The following DCBLD2 variants were observed in gnomAD, a reference collection of about 807,000 sequenced individuals.
The protein encoded by DCBLD2 is discoidin, CUB and LCCL domain containing 2.
DCBLD2 carries 54 observed loss-of-function variants against 86.8 expected under a neutral mutation model. The ratio of observed to expected loss-of-function variants is 0.62; its 90% CI spans 0.50 to 0.78. DCBLD2 has a LOEUF of 0.78. Among genes scored for constraint, DCBLD2 ranks in the 30% least tolerant of loss-of-function variants. The pLI is 0.00. For synonymous variants in DCBLD2, 354 were observed against 341.3 expected (o/e 1.04, Z -0.41); for missense variants, 908 against 954.2 (o/e 0.95, Z 0.64).
chr3:98,838,733 C>T (rs1208856915), intron 3 of DCBLD2, among the ~76,000 whole-genome samples: 10 of 152,106 alleles, frequency 6.6e-5, no homozygotes, highest in Non-Finnish European at 1.3e-4. Flanking sequence ...CAAGATCACG[C>T]CACTGCACTC....
intron 13 of DCBLD2, among the ~76,000 whole-genome samples, chr3:98,806,431 T>G (rs549683557): frequency 6.6e-6 from 1 of 152,316 alleles, no homozygotes; most frequent in East Asian, 1.9e-4. Flanking sequence ...TGCATCATAC[T>G]CTCTCCTCTT....
chr3:98,819,390 G>A lies in DCBLD2; in HGVS notation c.899C>T (p.Ser300Phe). ...TATTTGAGGATCCGCGATCACACCA[G>A]ACTCCATCCCCAGTGTTCCATAACA... ...SGCYGTLGMESGVIADPQITA... is the reference protein window; with the variant it reads ...SGCYGTLGMEFGVIADPQITA... Residue 300 changes from serine to phenylalanine, a missense_variant, in exon 8 of 16, where the codon TCT (serine) becomes TTT (phenylalanine). By Grantham distance (155) the Ser-to-Phe change is radical (BLOSUM62 -2). Transcript: ENST00000326840. The A allele has an allele frequency of 6.2e-7, 1 of 1,613,746 alleles. No individual in the cohort carries two copies. The highest frequency in any genetic ancestry group is 1.1e-5 in the South Asian group (1 of 91,070).
intron 2 of DCBLD2, among the ~76,000 whole-genome samples, chr3:98,860,520 G>A (rs1017364569): frequency 5.9e-5 from 9 of 152,210 alleles, no homozygotes; most frequent in African/African-American, 2.2e-4. Context: ...ACTAACAGCA[G>A]ATCTTTCAGG....
At chr3:98,887,551 T>C (rs1054463925) in intron 1 of DCBLD2, among the ~76,000 whole-genome samples, 4 of 152,042 alleles carry the variant, frequency 2.6e-5, no homozygotes, top group African/African-American at 9.7e-5. Context: ...TCTGAAGTTT[T>C]GTCTGAAATT....
intron 3 of DCBLD2, 93 bp from the exon 4 acceptor site, chr3:98,825,459 C>T (rs1942197923): frequency 6.0e-6 from 6 of 995,504 alleles, no homozygotes; most frequent in Non-Finnish European, 7.2e-6. Flanking sequence ...CTGTACTACT[C>T]TAATTTTCAA....
chr3:98,825,667 A>ATATATATATATATATATATG (rs1942206368), intron 3 of DCBLD2, among the ~76,000 whole-genome samples: 1 of 112,126 alleles, frequency 8.9e-6, no homozygotes, highest in South Asian at 2.6e-4. Context: ...ATATATATAT[A>ATATATATATATATATATATG]TATATATATA....
intron 3 of DCBLD2, among the ~76,000 whole-genome samples, chr3:98,841,011 C>T (rs1317275244): frequency 6.6e-6 from 1 of 152,120 alleles, no homozygotes; most frequent in East Asian, 1.9e-4. Context: ...TCTGTATAGC[C>T]CCCAAAAGAG....
intron 4 of DCBLD2, among the ~76,000 whole-genome samples, chr3:98,824,430 A>G (rs1309728470): frequency 6.6e-6 from 1 of 152,116 alleles, no homozygotes; most frequent in Non-Finnish European, 1.5e-5. Context: ...TCTACCATAC[A>G]CTGATGCTAG....
intron 2 of DCBLD2, among the ~76,000 whole-genome samples, chr3:98,868,266 T>C (rs889032338): frequency 2.6e-5 from 4 of 152,078 alleles, no homozygotes; most frequent in Non-Finnish European, 4.4e-5. Context: ...ATCCAAACAA[T>C]AGACTAGTGG....
At chr3:98,845,222 GA>G (rs776107506) in intron 3 of DCBLD2, among the ~76,000 whole-genome samples, 3 of 152,122 alleles carry the variant, frequency 2.0e-5, no homozygotes, top group Non-Finnish European at 2.9e-5. Context: ...AAAAATAGCA[GA>G]GGGGGGAAAA....
At chr3:98,864,196 A>G (rs1355988784) in intron 2 of DCBLD2, among the ~76,000 whole-genome samples, 2 of 152,232 alleles carry the variant, frequency 1.3e-5, no homozygotes, top group Non-Finnish European at 1.5e-5. Context: ...TTAAAAAGTC[A>G]GGAAATAACA....
intron 7 of DCBLD2, 101 bp downstream of exon 7, chr3:98,820,147 C>T: frequency 1.5e-6 from 1 of 666,560 alleles, no homozygotes; most frequent in Non-Finnish European, 2.2e-6. Context: ...ATTAAGACAA[C>T]TACGTGAGAA....
chr3:98,796,236 C>CCA lies in DCBLD2; in HGVS notation c.*3134_*3135dup, dbSNP rs3836215. 46,538 of 151,014 alleles carry CCA rather than the reference C, an allele frequency of 0.31. 8,485 individuals are homozygous for CCA. The highest frequency in any genetic ancestry group is 0.69 in the East Asian group (3,537 of 5,102). The allele number at this position is 151,014 out of a possible 1,614,324, so 9.4% of individuals were successfully genotyped here. ...ATGTTTGTTTCCACTTTTCCCAGTG[C>CCA]CACACACACACACACAAAAACAAAA... On this transcript the variant is annotated 3_prime_UTR_variant, in exon 16 of 16. Transcript: ENST00000326840.
intron 12 of DCBLD2, among the ~76,000 whole-genome samples, chr3:98,808,957 C>T (rs1414647578): frequency 6.6e-6 from 1 of 152,072 alleles, no homozygotes; most frequent in East Asian, 1.9e-4. Context: ...ATCATGGTAT[C>T]CTCCTTACAA....
At chr3:98,897,037 T>C (rs1943762059) in intron 1 of DCBLD2, among the ~76,000 whole-genome samples, 1 of 152,186 alleles carries the variant, frequency 6.6e-6, no homozygotes, top group Non-Finnish European at 1.5e-5. Context: ...TCTAGCCCTT[T>C]CCCACATACA....
chr3:98,799,574 G>A lies in DCBLD2; in HGVS notation c.2126C>T (p.Pro709Leu). 6.2e-7 allele frequency: 1 copy of A among 1,613,984 alleles called. No homozygotes were observed. The highest frequency in any genetic ancestry group is 1.7e-5 in the Admixed American group (1 of 60,012). ...TGTATTGTAAGTTCCCACTAGTGGG[G>A]GAGGTTGGTTCCCCGTAGCCTTGAA... is the stretch of plus-strand genomic sequence containing the variant. ...STFKATGNQP[P>L]PLVGTYNTLL... The change falls in exon 16 of 16, where the codon CCC (proline) becomes CTC (leucine). Residue 709 changes from proline to leucine, a missense_variant. Physicochemically the swap from Pro to Leu is moderately conservative, Grantham distance 98 (BLOSUM62 -3). Coordinates refer to ENST00000326840, the MANE Select transcript of DCBLD2 (RefSeq NM_080927.4).
chr3:98,845,046 C>T (rs968515108), intron 3 of DCBLD2, among the ~76,000 whole-genome samples: 5 of 152,018 alleles, frequency 3.3e-5, no homozygotes, highest in African/African-American at 1.2e-4. Context: ...AATTATTAGT[C>T]CTCTCATAGT....
At chr3:98,885,878 A>AG (rs1217058138) in intron 1 of DCBLD2, among the ~76,000 whole-genome samples, 1 of 151,128 alleles carries the variant, frequency 6.6e-6, no homozygotes, top group African/African-American at 2.4e-5. Flanking sequence ...TCACAACTGG[A>AG]GGGGGAGGGG....
chr3:98,860,685 G>A (rs1210414914), intron 2 of DCBLD2, among the ~76,000 whole-genome samples: 2 of 152,158 alleles, frequency 1.3e-5, no homozygotes, highest in Non-Finnish European at 2.9e-5. Context: ...GACAGATTTT[G>A]TCACCACCAG....
Sources: gnomAD v4.1 joint callset for allele counts (sites outside exome capture counted in the v4.1 genomes callset) on GRCh38, gnomAD v4.1.1 for gene constraint, MANE v1.5 for transcripts, NCBI Gene and HGNC (gene_info 2026-07-23, HGNC 2026-07-21) for gene names.